The following BEGAIN variants were observed in gnomAD, a reference collection of about 807,000 sequenced individuals.
The protein encoded by BEGAIN is brain-enriched guanylate kinase-associated protein.
In BEGAIN, 19 loss-of-function variants were observed where a neutral mutation model predicts 35.8. That is an observed-to-expected ratio of 0.53 (90% CI 0.37 to 0.78). BEGAIN has a LOEUF of 0.78. BEGAIN is among the 30% of genes least tolerant of loss of function. The pLI, the probability that BEGAIN is intolerant of heterozygous loss-of-function variation, is 0.00. For missense variants in BEGAIN, 795 were observed against 853.6 expected, an observed-to-expected ratio of 0.93 and a Z score of 0.85; for synonymous variants, 462 against 388.6, an observed-to-expected ratio of 1.19 and a Z score of -2.22.
At chr14:100,566,290 C>T (rs536719927) in intron 2 of BEGAIN, among the ~76,000 whole-genome samples, 197 of 152,372 alleles carry the variant, frequency 1.3e-3, no homozygotes, top group African/African-American at 4.7e-3. Context: ...GCAGCAGATC[C>T]GCCCACCTGG....
At chr14:100,551,226 C>T (rs1469839140) in intron 2 of BEGAIN, among the ~76,000 whole-genome samples, 3 of 152,194 alleles carry the variant, frequency 2.0e-5, no homozygotes, top group Admixed American at 2.0e-4. Flanking sequence ...AGGACATGGG[C>T]CCGGCCCGGC....
intron 2 of BEGAIN, among the ~76,000 whole-genome samples, chr14:100,565,524 A>G (rs1468109130): frequency 1.3e-5 from 2 of 152,120 alleles, no homozygotes; most frequent in South Asian, 4.1e-4. Context: ...TCCTGGCTCC[A>G]GGCCCTGGGG....
intron 5 of BEGAIN, among the ~76,000 whole-genome samples, chr14:100,542,482 G>A (rs112740193): frequency 0.032 from 4,900 of 152,216 alleles, 249 homozygotes; most frequent in African/African-American, 0.11. Context: ...CTCCAGACCC[G>A]GGCCTCCTGC....
chr14:100,587,052 G>T (rs934135742), intron 1 of BEGAIN, among the ~76,000 whole-genome samples, 197 bp downstream of exon 1: 28 of 151,820 alleles, frequency 1.8e-4, no homozygotes, highest in Admixed American at 5.2e-4. Context: ...ACCCGAGAGT[G>T]CCCAGTTCCC....
intron 2 of BEGAIN, 197 bp from the exon 3 acceptor site, chr14:100,546,859 C>A: frequency 2.1e-6 from 1 of 475,532 alleles, no homozygotes; most frequent in East Asian, 3.7e-5. Context: ...CCATGGCGCC[C>A]CAGAGTCAGG....
In BEGAIN at chr14:100,539,243, A is replaced by G. The variant is rs950084889; in HGVS notation, c.565T>C (p.Cys189Arg). Residue 189 changes from cysteine to arginine, a missense_variant, in exon 7 of 7, where the codon TGC becomes CGC. Physicochemically the swap from Cys to Arg is radical, Grantham distance 180. Transcript: ENST00000554140. ...ACGCTGTCGGCGTAGGCCGGGTGGC[A>G]GAGCGGGGATGGCAGGCTGCAGCCG... is the stretch of plus-strand genomic sequence containing the variant. ...KHGCSLPSPL[C>R]HPAYADSVPT... The G allele has an allele frequency of 1.9e-6, 3 of 1,588,792 alleles. No individual in the cohort carries two copies. In the East Asian group the frequency reaches 6.7e-5, roughly 36 times the overall value.
At position 100,556,226 on chromosome 14, in the gene BEGAIN, G is replaced by A. The variant is rs1358658779; in HGVS notation, c.72-9564C>T. Among the ~76,000 whole-genome samples the A allele has an allele frequency of 2.0e-5, 3 of 151,602 alleles. No homozygotes were observed. In the East Asian group the frequency reaches 5.9e-4, roughly 30 times the overall value. ...CCTCTCCATTTGGATCCTCGACTCC[G>A]GGATGACCTGGCTGGCCGCGCCACT... is the stretch of plus-strand genomic sequence containing the variant. On this transcript the variant is annotated intron_variant, in intron 2 of 6. Coordinates refer to ENST00000554140, the MANE Select transcript of BEGAIN (RefSeq NM_001385089.1).
At chr14:100,562,963 C>CA (rs5811002) in intron 2 of BEGAIN, among the ~76,000 whole-genome samples, 81,031 of 152,128 alleles carry the variant, frequency 0.53, 23,403 homozygotes, top group African/African-American at 0.76. Flanking sequence ...GATCAGTGAA[C>CA]AATGAGAGCA....
intron 2 of BEGAIN, 136 bp from the exon 3 acceptor site, chr14:100,546,798 ACACACACACACACACT>A (rs1380176087): frequency 2.5e-5 from 16 of 631,950 alleles, no homozygotes; most frequent in African/African-American, 2.4e-4. Flanking sequence ...ACACACACAC[ACACACACACACACACT>A]CACACACACC....
chr14:100,578,679 T>G (rs1379239677), intron 1 of BEGAIN, among the ~76,000 whole-genome samples: 2 of 152,130 alleles, frequency 1.3e-5, no homozygotes, highest in African/African-American at 4.8e-5. Flanking sequence ...ACCTCCTGCT[T>G]CTTCTCTAGA....
chr14:100,540,274 G>T, intron 6 of BEGAIN: 1 of 560,332 alleles, frequency 1.8e-6, no homozygotes, highest in Non-Finnish European at 3.2e-6. Context: ...GTGGGCCAAA[G>T]GGACTCTGGT....
At chr14:100,539,757 C>T (rs763760213) in intron 6 of BEGAIN, among the ~76,000 whole-genome samples, 3 of 152,108 alleles carry the variant, frequency 2.0e-5, no homozygotes, top group South Asian at 4.1e-4. Flanking sequence ...CACTCCCCAG[C>T]CCCCCAGTCA....
At chr14:100,557,775 A>G (rs2033888812) in intron 2 of BEGAIN, among the ~76,000 whole-genome samples, 1 of 152,120 alleles carries the variant, frequency 6.6e-6, no homozygotes, top group African/African-American at 2.4e-5. Flanking sequence ...TTTCCTGGAA[A>G]GTGACTTCAT....
At chr14:100,580,676 C>T (rs2035297118) in intron 1 of BEGAIN, among the ~76,000 whole-genome samples, 1 of 152,164 alleles carries the variant, frequency 6.6e-6, no homozygotes, top group Non-Finnish European at 1.5e-5. Context: ...GCCCTGGCCC[C>T]CAGCTGTAAC....
intron 2 of BEGAIN, chr14:100,549,316 C>G (rs1177869600): frequency 6.6e-6 from 1 of 152,594 alleles, no homozygotes; most frequent in Non-Finnish European, 1.5e-5. Context: ...GCTCCATACC[C>G]TCACCACGTC....
At chr14:100,555,961 GACAC>G (rs766190760) in intron 2 of BEGAIN, among the ~76,000 whole-genome samples, 3 of 152,152 alleles carry the variant, frequency 2.0e-5, no homozygotes, top group Non-Finnish European at 4.4e-5. Flanking sequence ...CTGGGGGAAA[GACAC>G]ATGCATGCAT....
chr14:100,550,263 G>T lies in BEGAIN; in HGVS notation c.72-3601C>A, dbSNP rs2033051190. 2.0e-5 allele frequency among the ~76,000 whole-genome samples: 3 copies of T among 152,108 alleles called. No individual in the cohort carries two copies. In the South Asian group the frequency reaches 6.2e-4, roughly 31 times the overall value. On this transcript the variant is annotated intron_variant, in intron 2 of 6. Transcript: ENST00000554140. Reference sequence around the variant, plus strand: ...GAAGGAGCCCTTGGCTGGGATGCTGGGCTGAGGGCTGTGAGGCTGTGCCGC... The same window carrying T: ...GAAGGAGCCCTTGGCTGGGATGCTGTGCTGAGGGCTGTGAGGCTGTGCCGC...
intron 2 of BEGAIN, among the ~76,000 whole-genome samples, chr14:100,564,153 G>A (rs183570222): frequency 1.1e-4 from 16 of 152,016 alleles, no homozygotes; most frequent in Non-Finnish European, 1.5e-4. Flanking sequence ...GAAGGGTCTC[G>A]GGGGATCTCG....
chr14:100,578,211 G>A (rs543143719), intron 1 of BEGAIN, among the ~76,000 whole-genome samples: 4 of 152,348 alleles, frequency 2.6e-5, no homozygotes, highest in African/African-American at 9.6e-5. Context: ...TCGTGTCCTG[G>A]GCTCTGCCTG....
Sources: allele counts gnomAD v4.1 joint callset (sites outside exome capture counted in the v4.1 genomes callset), GRCh38; gene constraint gnomAD v4.1.1; transcripts MANE v1.5; gene names NCBI Gene and HGNC (gene_info 2026-07-23, HGNC 2026-07-21).